Variants in TNIP3 observed in about 807,000 individuals in gnomAD.
The protein encoded by TNIP3 is TNFAIP3 interacting protein 3, also known as TNFAIP3-interacting protein 3.
TNIP3 carries 34 observed loss-of-function variants against 54.1 expected under a neutral mutation model. The ratio of observed to expected loss-of-function variants is 0.63; its 90% CI spans 0.48 to 0.84. TNIP3 has a LOEUF of 0.84. TNIP3 is among the 40% of genes least tolerant of loss of function. The pLI is 0.00. For missense variants in TNIP3, 366 were observed against 387.6 expected, an observed-to-expected ratio of 0.94 and a Z score of 0.47; for synonymous variants, 134 against 136.8, an observed-to-expected ratio of 0.98 and a Z score of 0.14.
chr4:121,171,239 C>T (rs148305530), intron 3 of TNIP3, among the ~76,000 whole-genome samples: 13 of 152,242 alleles, frequency 8.5e-5, no homozygotes, highest in African/African-American at 2.2e-4. Flanking sequence ...GAGAATCAAA[C>T]CTTTGAATTT....
At chr4:121,190,460 TGTGCAA>T (rs1725248595) in intron 2 of TNIP3, among the ~76,000 whole-genome samples, 1 of 152,206 alleles carries the variant, frequency 6.6e-6, no homozygotes, top group African/African-American at 2.4e-5. Context: ...TAAAAAGTCC[TGTGCAA>T]GTTGGTCCCC....
At position 121,171,655 on chromosome 4, in the gene TNIP3, T is replaced by G. The variant is rs1414686387; in HGVS notation, c.190-7509A>C. Among the ~76,000 whole-genome samples, 5 of 152,170 alleles carry G rather than the reference T, an allele frequency of 3.3e-5. No homozygotes were observed. In the East Asian group the frequency reaches 9.6e-4, roughly 29 times the overall value. ...CATGCCTCAGGAAAATGAAAATGAT[T>G]CAGGCAAAAAGAGTACTGCCTGGAT... is the stretch of plus-strand genomic sequence containing the variant. On this transcript the variant is annotated intron_variant, in intron 3 of 12. Coordinates refer to the TNIP3 transcript ENST00000507879.
At chr4:121,165,548 C>A (rs1029595816), upstream of TNIP3, among the ~76,000 whole-genome samples, 1 of 152,052 alleles carries the variant, frequency 6.6e-6, no homozygotes, top group African/African-American at 2.4e-5. Context: ...GTCCACGCAC[C>A]CAGGCACTGA....
intron 3 of TNIP3, among the ~76,000 whole-genome samples, chr4:121,176,847 C>T (rs1398848052): frequency 6.6e-6 from 1 of 152,136 alleles, no homozygotes; most frequent in Middle Eastern, 3.2e-3. Flanking sequence ...TTTCTCAAGG[C>T]TTTTTACCTT....
chr4:121,195,412 G>T (rs1247051528), intron 2 of TNIP3, among the ~76,000 whole-genome samples: 2 of 152,120 alleles, frequency 1.3e-5, no homozygotes, highest in Non-Finnish European at 1.5e-5. Context: ...ATTACCTTTG[G>T]CTAGAAAAGT....
At chr4:121,147,250 C>T in intron 6 of TNIP3, 76 bp from the exon 7 acceptor site, 2 of 1,518,392 alleles carry the variant, frequency 1.3e-6, no homozygotes, top group East Asian at 4.6e-5. Flanking sequence ...TTTTAAATGA[C>T]TGCTGCCTAC....
intron 3 of TNIP3, among the ~76,000 whole-genome samples, chr4:121,175,053 T>G (rs1724226733): frequency 6.6e-6 from 1 of 152,240 alleles, no homozygotes; most frequent in Non-Finnish European, 1.5e-5. Context: ...AAGAATATAA[T>G]GAACACATTT....
At chr4:121,227,476 C>T (rs760738536), upstream of TNIP3, 1 of 1,180,704 alleles carries the variant, frequency 8.5e-7, no homozygotes, top group South Asian at 1.4e-5. Context: ...TTGAATCAAA[C>T]AGTAACTAAG....
intron 1 of TNIP3, among the ~76,000 whole-genome samples, chr4:121,224,497 T>C (rs1339537282): frequency 6.6e-6 from 1 of 152,240 alleles, no homozygotes; most frequent in Admixed American, 6.5e-5. Flanking sequence ...AGACTAATTA[T>C]ACCTTAATGT....
At chr4:121,213,083 A>G (rs1161126574) in intron 2 of TNIP3, among the ~76,000 whole-genome samples, 2 of 152,294 alleles carry the variant, frequency 1.3e-5, no homozygotes, top group Middle Eastern at 3.4e-3. Flanking sequence ...AGAAAAAAAG[A>G]CAAAAGTATT....
chr4:121,173,721 C>T (rs1012282410), intron 3 of TNIP3, among the ~76,000 whole-genome samples: 3 of 152,074 alleles, frequency 2.0e-5, no homozygotes, highest in Non-Finnish European at 2.9e-5. Context: ...CTCTGCCTCC[C>T]GAGTTCAAGC....
At chr4:121,225,936 A>C (rs1283772464) in intron 1 of TNIP3, among the ~76,000 whole-genome samples, 1 of 152,140 alleles carries the variant, frequency 6.6e-6, no homozygotes, top group Non-Finnish European at 1.5e-5. Context: ...AGTCATATTT[A>C]ACAGTCAATT....
chr4:121,205,463 T>C (rs554587745), intron 2 of TNIP3, among the ~76,000 whole-genome samples: 2 of 152,292 alleles, frequency 1.3e-5, no homozygotes, highest in South Asian at 4.1e-4. Context: ...CATTTTACTC[T>C]GAGTGAATGG....
intron 2 of TNIP3, among the ~76,000 whole-genome samples, chr4:121,190,242 T>C (rs1442954590): frequency 6.6e-6 from 1 of 152,240 alleles, no homozygotes; most frequent in African/African-American, 2.4e-5. Context: ...CCTTTTTGCC[T>C]GGCGTGTTTA....
intron 9 of TNIP3, 28 bp downstream of exon 9, chr4:121,141,788 G>A: frequency 2.1e-6 from 3 of 1,427,248 alleles, no homozygotes; most frequent in South Asian, 1.4e-5. Flanking sequence ...AGTATACTAA[G>A]CACTTTTTCA....
chr4:121,180,224 C>T (rs1724603348), intron 3 of TNIP3, among the ~76,000 whole-genome samples: 1 of 152,016 alleles, frequency 6.6e-6, no homozygotes, highest in Non-Finnish European at 1.5e-5. Context: ...CATGGTGAAA[C>T]CCCGTCTCTA....
At chr4:121,169,559 C>T (rs1730956116) in intron 3 of TNIP3, among the ~76,000 whole-genome samples, 1 of 152,108 alleles carries the variant, frequency 6.6e-6, no homozygotes, top group Admixed American at 6.5e-5. Context: ...TTTCTCGAGC[C>T]CAAAGTAGTG....
intron 5 of TNIP3, chr4:121,154,144 C>T (rs1011032266): frequency 8.5e-6 from 2 of 236,370 alleles, no homozygotes; most frequent in Admixed American, 1.1e-4. Flanking sequence ...TAGCATGCTT[C>T]CTTAGAGTGT....
chr4:121,178,507 T>C (rs184465944), intron 3 of TNIP3, among the ~76,000 whole-genome samples: 57 of 152,328 alleles, frequency 3.7e-4, no homozygotes, highest in African/African-American at 1.4e-3. Context: ...TTGAGCACAC[T>C]TGGCACAGTG....
Sources: gnomAD v4.1 joint callset for allele counts (sites outside exome capture counted in the v4.1 genomes callset) on GRCh38, gnomAD v4.1.1 for gene constraint, MANE v1.5 for transcripts, NCBI Gene and HGNC (gene_info 2026-07-23, HGNC 2026-07-21) for gene names.